The following NRXN3 variants were observed in gnomAD, a reference collection of about 807,000 sequenced individuals.
The protein encoded by NRXN3 is neurexin 3, also known as neurexin III.
Under a neutral mutation model 137.6 loss-of-function variants are expected in NRXN3, and 32 were observed. That is an observed-to-expected ratio of 0.23 (90% CI 0.18 to 0.31). NRXN3 has a LOEUF of 0.31. NRXN3 is among the 10% of genes least tolerant of loss of function. The probability of loss-of-function intolerance (pLI) is 1.00; values close to 1 mark genes in which losing one functional copy is unlikely to be tolerated. For synonymous variants in NRXN3, 798 were observed against 784.5 expected, an observed-to-expected ratio of 1.02 and a Z score of -0.29; for missense variants, 1,574 against 2,062.5, an observed-to-expected ratio of 0.76 and a Z score of 4.59.
At chr14:79,127,495 G>A (rs1416571350) in intron 15 of NRXN3, among the ~76,000 whole-genome samples, 1 of 152,122 alleles carries the variant, frequency 6.6e-6, no homozygotes, top group Non-Finnish European at 1.5e-5. Flanking sequence ...TAGATATGCG[G>A]CGTTATTTCT....
Position 78,750,085 on chromosome 14 carries a change from G to T in NRXN3, c.2044+34946G>T, listed in dbSNP as rs114409019. On this transcript the variant is annotated intron_variant, in intron 8 of 20. Coordinates refer to ENST00000335750, the MANE Select transcript of NRXN3 (RefSeq NM_001330195.2). ...TTCCCTGTCTGGAATGTCATGGAAG[G>T]TTCCATGAATCTAGCTTCCGCTAAT... Among the ~76,000 whole-genome samples the T allele has an allele frequency of 5.1e-3, 779 of 152,290 alleles. 5 individuals carry two copies. The highest frequency in any genetic ancestry group is 0.018 in the African/African-American group (748 of 41,560).
chr14:79,163,884 A>T (rs1279712633), intron 15 of NRXN3, among the ~76,000 whole-genome samples: 1 of 147,220 alleles, frequency 6.8e-6, no homozygotes, highest in Admixed American at 6.8e-5. Context: ...ATAATAAAAA[A>T]TAATGCCAAC....
chr14:78,938,359 G>C (rs926713202), intron 10 of NRXN3, among the ~76,000 whole-genome samples: 1 of 152,184 alleles, frequency 6.6e-6, no homozygotes, highest in Non-Finnish European at 1.5e-5. Context: ...TGAGGCATTT[G>C]AATGATCATT....
chr14:78,859,829 G>A (rs935454678), intron 10 of NRXN3, among the ~76,000 whole-genome samples: 2 of 152,104 alleles, frequency 1.3e-5, no homozygotes, highest in African/African-American at 4.8e-5. Context: ...CAGTGTGGAA[G>A]TAGTGAAGAA....
chr14:78,681,771 G>C (rs888164906), intron 6 of NRXN3, among the ~76,000 whole-genome samples: 2 of 152,130 alleles, frequency 1.3e-5, no homozygotes, highest in East Asian at 3.9e-4. Context: ...TCTCTTATCA[G>C]TGAAGGAGAT....
At chr14:79,193,680 A>C (rs1209671820) in intron 15 of NRXN3, among the ~76,000 whole-genome samples, 2 of 152,234 alleles carry the variant, frequency 1.3e-5, no homozygotes, top group African/African-American at 2.4e-5. Flanking sequence ...TTAAACTCTC[A>C]TTTCAATCAC....
chr14:79,651,480 G>A (rs2098475539), intron 16 of NRXN3, among the ~76,000 whole-genome samples: 3 of 152,066 alleles, frequency 2.0e-5, no homozygotes, highest in African/African-American at 7.2e-5. Flanking sequence ...TTGATATGGA[G>A]GAAGACATAG....
intron 1 of NRXN3, among the ~76,000 whole-genome samples, chr14:78,186,737 G>C (rs1293745489): frequency 6.6e-6 from 1 of 150,828 alleles, no homozygotes; most frequent in Non-Finnish European, 1.5e-5. Flanking sequence ...GTGTGGATCT[G>C]TTGGGGTGGC....
chr14:78,427,487 T>A (rs1372035442), intron 4 of NRXN3, among the ~76,000 whole-genome samples: 1 of 152,248 alleles, frequency 6.6e-6, no homozygotes, highest in East Asian at 1.9e-4. Context: ...GATCGAAGCC[T>A]CTTTAACACA....
chr14:79,504,674 T>TATATATATATATATATATAA (rs1464757508), intron 16 of NRXN3, among the ~76,000 whole-genome samples: 9 of 143,446 alleles, frequency 6.3e-5, no homozygotes, highest in African/African-American at 2.3e-4. Flanking sequence ...TATATATATA[T>TATATATATATATATATATAA]AAAACATTAC....
chr14:79,768,648 G>C (rs560963187), intron 19 of NRXN3, among the ~76,000 whole-genome samples: 1 of 152,294 alleles, frequency 6.6e-6, no homozygotes, highest in African/African-American at 2.4e-5. Context: ...AAGACCAAAA[G>C]TAGATAAAAC....
rs144062597 is a variant in NRXN3, at chr14:78,876,750, A to G, written c.2275+66406A>G. 1.3e-3 allele frequency among the ~76,000 whole-genome samples: 198 copies of G among 152,340 alleles called. 1 individual carries two copies. The highest frequency in any genetic ancestry group is 4.7e-3 in the African/African-American group (194 of 41,576). On this transcript the variant is annotated intron_variant, in intron 10 of 20. Transcript: ENST00000335750. ...TCTGAACCTAGTGTTTCTCATATGTACAGATAGGTTCCTAATGACACTTAC... is the reference window on the plus strand; with the variant it reads ...TCTGAACCTAGTGTTTCTCATATGTGCAGATAGGTTCCTAATGACACTTAC...
chr14:78,662,637 T>C (rs921355392), intron 6 of NRXN3, among the ~76,000 whole-genome samples: 3 of 152,190 alleles, frequency 2.0e-5, no homozygotes, highest in African/African-American at 7.2e-5. Context: ...GATAGATTGA[T>C]TTTATATGAT....
intron 15 of NRXN3, among the ~76,000 whole-genome samples, chr14:79,459,171 C>G (rs942989100): frequency 2.0e-5 from 3 of 152,008 alleles, no homozygotes; most frequent in African/African-American, 4.8e-5. Flanking sequence ...GTAGTTTTAC[C>G]TTATTCTATA....
chr14:78,397,527 G>C (rs2091593830), intron 4 of NRXN3, among the ~76,000 whole-genome samples: 1 of 151,286 alleles, frequency 6.6e-6, no homozygotes, highest in African/African-American at 2.4e-5. Context: ...TGTCATTTTT[G>C]TTCTTATTTA....
intron 4 of NRXN3, among the ~76,000 whole-genome samples, chr14:78,491,531 T>C (rs1220977707): frequency 2.0e-5 from 3 of 152,212 alleles, no homozygotes; most frequent in African/African-American, 7.2e-5. Flanking sequence ...ATTCCAGATT[T>C]AGCATTCTGT....
intron 2 of NRXN3, among the ~76,000 whole-genome samples, chr14:78,266,426 G>A (rs962696283): frequency 6.6e-6 from 1 of 152,058 alleles, no homozygotes; most frequent in South Asian, 2.1e-4. Context: ...AGCTTCCTGA[G>A]TAGCTGAGAT....
intron 10 of NRXN3, among the ~76,000 whole-genome samples, chr14:78,823,698 A>G (rs2098957826): frequency 1.3e-5 from 2 of 152,228 alleles, no homozygotes; most frequent in South Asian, 4.1e-4. Context: ...GATCAGGGGT[A>G]AAGGGAACAG....
chr14:79,273,172 C>CAA (rs1163073631), intron 15 of NRXN3, among the ~76,000 whole-genome samples: 333 of 20,422 alleles, frequency 0.016, 18 homozygotes, highest in African/African-American at 0.029. Context: ...ACTCTGTGGC[C>CAA]AAAAAAAAAA....
Sources: allele counts gnomAD v4.1 joint callset (sites outside exome capture counted in the v4.1 genomes callset), GRCh38; gene constraint gnomAD v4.1.1; transcripts MANE v1.5; gene names NCBI Gene and HGNC (gene_info 2026-07-23, HGNC 2026-07-21).